The following RGS7 variants were observed in gnomAD, a reference collection of about 807,000 sequenced individuals.
The protein encoded by RGS7 is regulator of G-protein signaling 7.
RGS7 carries 27 observed loss-of-function variants against 81.1 expected under a neutral mutation model. The ratio of observed to expected loss-of-function variants is 0.33; its 90% CI spans 0.25 to 0.46. RGS7 has a LOEUF of 0.46. Ranked by LOEUF, RGS7 falls within the 20% of genes least tolerant of loss-of-function variation. RGS7 has a pLI of 1.00. For synonymous variants in RGS7, 208 were observed against 207.7 expected (o/e 1.00, Z -0.01); for missense variants, 396 against 607.4 (o/e 0.65, Z 3.66).
intron 3 of RGS7, among the ~76,000 whole-genome samples, chr1:240,996,028 T>A (rs76905395): frequency 1.3e-5 from 2 of 151,690 alleles, no homozygotes; most frequent in South Asian, 2.1e-4. Flanking sequence ...GTTTTTTTTT[T>A]ATTTTCCAGA....
intron 3 of RGS7, among the ~76,000 whole-genome samples, chr1:241,043,391 G>T: frequency 6.6e-6 from 1 of 151,158 alleles, no homozygotes; most frequent in East Asian, 1.9e-4. Context: ...TGATATTGTT[G>T]ACCCTATATT....
intron 9 of RGS7, among the ~76,000 whole-genome samples, chr1:240,847,733 C>A (rs1010354672): frequency 3.9e-5 from 6 of 152,154 alleles, no homozygotes; most frequent in African/African-American, 1.4e-4. Flanking sequence ...CATTACCATT[C>A]TTTATAGTCA....
chr1:240,805,696 T>A (rs1688721903), intron 15 of RGS7, among the ~76,000 whole-genome samples: 1 of 152,160 alleles, frequency 6.6e-6, no homozygotes, highest in South Asian at 2.1e-4. Flanking sequence ...TTTAAGCTAA[T>A]TCAGTTTGAA....
chr1:240,782,674 A>G lies in RGS7; in HGVS notation c.*7-6461T>C, dbSNP rs139738819. On this transcript the variant is annotated intron_variant, in intron 18 of 18. Coordinates refer to ENST00000440928, the MANE Select transcript of RGS7 (RefSeq NM_001364886.1). The stretch of plus-strand genomic sequence containing the variant: ...TGGGCTCAAGCGATCCTCCCAGCTC[A>G]GTCTCCCAAAGTGCTAGGATTACAG... 6.7e-3 allele frequency among the ~76,000 whole-genome samples: 1,024 copies of G among 152,266 alleles called. 10 individuals carry two copies. The highest frequency in any genetic ancestry group is 0.024 in the African/African-American group (977 of 41,552).
chr1:241,116,464 G>T (rs1170530629), intron 2 of RGS7, among the ~76,000 whole-genome samples: 1 of 152,080 alleles, frequency 6.6e-6, no homozygotes, highest in Admixed American at 6.6e-5. Flanking sequence ...AGCAGGCTCT[G>T]GCTGCTGGCT....
chr1:241,016,714 GA>G (rs2148678177), intron 3 of RGS7, among the ~76,000 whole-genome samples: 1 of 152,266 alleles, frequency 6.6e-6, no homozygotes, highest in East Asian at 1.9e-4. Flanking sequence ...GCATTTATCA[GA>G]GTCTAAATTT....
intron 4 of RGS7, among the ~76,000 whole-genome samples, chr1:240,981,141 G>T (rs1030629671): frequency 6.6e-6 from 1 of 151,910 alleles, no homozygotes; most frequent in Non-Finnish European, 1.5e-5. Context: ...ACAGAGTCAC[G>T]CTCTGTCACC....
chr1:241,212,827 G>A (rs778383681), intron 2 of RGS7, among the ~76,000 whole-genome samples: 4 of 152,178 alleles, frequency 2.6e-5, no homozygotes, highest in Non-Finnish European at 5.9e-5. Context: ...TTGTGTTCCA[G>A]ATCACAGATG....
intron 2 of RGS7, among the ~76,000 whole-genome samples, chr1:241,230,419 A>T (rs560044721): frequency 6.6e-6 from 1 of 152,140 alleles, no homozygotes; most frequent in Non-Finnish European, 1.5e-5. Flanking sequence ...TCGCCATGTT[A>T]GTCAGTCTGG....
At chr1:241,140,153 G>C (rs1421203165) in intron 2 of RGS7, among the ~76,000 whole-genome samples, 1 of 152,172 alleles carries the variant, frequency 6.6e-6, no homozygotes, top group Non-Finnish European at 1.5e-5. Flanking sequence ...GGCAGGTAGA[G>C]AGCAACATTG....
chr1:241,145,162 G>A (rs948331001), intron 2 of RGS7, among the ~76,000 whole-genome samples: 3 of 151,844 alleles, frequency 2.0e-5, no homozygotes, highest in Non-Finnish European at 4.4e-5. Context: ...GATTACAGGT[G>A]CCTGCCACCA....
intron 3 of RGS7, among the ~76,000 whole-genome samples, chr1:241,079,863 G>T (rs939527532): frequency 2.0e-5 from 3 of 148,090 alleles, no homozygotes; most frequent in African/African-American, 7.6e-5. Flanking sequence ...TATTTTAGCA[G>T]CCTATAATCT....
chr1:240,776,201 T>C lies in RGS7; in HGVS notation c.*19A>G. ...GCAAGGCTTGTTAACCTCTTGGACG[T>C]GAGAGATTTCCCCTGAGAAAATATA... On this transcript the variant is annotated 3_prime_UTR_variant, in exon 19 of 19. Transcript: ENST00000440928. 1 of 1,610,660 alleles carries C rather than the reference T, an allele frequency of 6.2e-7. No individual in the cohort carries two copies. Among genetic ancestry groups the C allele is most frequent in the East Asian group, 2.2e-5 (1 of 44,858 alleles).
At chr1:241,313,253 T>A (rs1329783968) in intron 2 of RGS7, among the ~76,000 whole-genome samples, 1 of 152,244 alleles carries the variant, frequency 6.6e-6, no homozygotes, top group East Asian at 1.9e-4. Context: ...CACTAAATAA[T>A]AGATTTTCCT....
chr1:240,819,470 G>A (rs1298224854), intron 10 of RGS7, among the ~76,000 whole-genome samples: 1 of 152,226 alleles, frequency 6.6e-6, no homozygotes, highest in East Asian at 1.9e-4. Context: ...GCCGGGCGTG[G>A]TGGCTCATGC....
intron 2 of RGS7, among the ~76,000 whole-genome samples, chr1:241,120,001 C>T (rs2066139750): frequency 6.6e-6 from 1 of 152,214 alleles, no homozygotes; most frequent in Non-Finnish European, 1.5e-5. Flanking sequence ...ACACTGTGGT[C>T]CGAGTGGCGT....
intron 3 of RGS7, among the ~76,000 whole-genome samples, chr1:241,013,500 A>G (rs1021470300): frequency 4.6e-5 from 7 of 152,204 alleles, no homozygotes; most frequent in African/African-American, 1.7e-4. Context: ...TGCGAGGGTT[A>G]AGAAAATAAA....
At chr1:240,902,571 G>T (rs115627222) in intron 6 of RGS7, among the ~76,000 whole-genome samples, 475 of 152,146 alleles carry the variant, frequency 3.1e-3, no homozygotes, top group African/African-American at 0.01. Flanking sequence ...CTATTCAACT[G>T]CCATATATGC....
intron 6 of RGS7, among the ~76,000 whole-genome samples, chr1:240,882,621 A>T (rs377678552): frequency 2.6e-4 from 39 of 152,328 alleles, no homozygotes; most frequent in African/African-American, 8.9e-4. Context: ...GTGGCAATGA[A>T]GGAGACAATT....
Sources: allele counts gnomAD v4.1 joint callset (sites outside exome capture counted in the v4.1 genomes callset), GRCh38; gene constraint gnomAD v4.1.1; transcripts MANE v1.5; gene names NCBI Gene and HGNC (gene_info 2026-07-23, HGNC 2026-07-21).